Variants in ARFGEF1 observed in about 807,000 individuals in gnomAD.
ARFGEF1 encodes ARF guanine nucleotide exchange factor 1, also known as brefeldin A-inhibited guanine nucleotide-exchange protein 1.
A neutral mutation model predicts 231.0 loss-of-function variants in ARFGEF1; 42 were observed. The ratio of observed to expected loss-of-function variants is 0.18; its 90% CI spans 0.14 to 0.24. The LOEUF (loss-of-function observed/expected upper bound fraction) is 0.24, where lower values mean the gene tolerates loss of function less well. ARFGEF1 is among the 10% of genes least tolerant of loss of function. The pLI is 1.00. For synonymous variants in ARFGEF1, 710 were observed against 732.3 expected, an observed-to-expected ratio of 0.97 and a Z score of 0.49; for missense variants, 1,345 against 2,192.0, an observed-to-expected ratio of 0.61 and a Z score of 7.72.
chr8:67,257,695 A>C, intron 17 of ARFGEF1, 37 bp downstream of exon 17: 1 of 1,431,266 alleles, frequency 7.0e-7, no homozygotes, highest in Non-Finnish European at 9.7e-7. Flanking sequence ...CTTATTTTGT[A>C]CCGCTTATTG....
At position 67,198,465 on chromosome 8, in the gene ARFGEF1, A is replaced by AT; in HGVS notation, c.*468dup. 1.5e-5 allele frequency: 15 copies of AT among 987,590 alleles called. No individual in the cohort carries two copies. The highest frequency in any genetic ancestry group is 1.8e-5 in the Non-Finnish European group (15 of 831,246). 61.2% of individuals were successfully genotyped at this position (987,590 alleles called of 1,614,324 possible). ...GCCTGAGTGTGCAAAAATCTTCAGA[A>AT]TAAGAATACCATAGTTGCTAAATAT... On this transcript the variant is annotated 3_prime_UTR_variant, in exon 39 of 39. Transcript: ENST00000262215.
chr8:67,182,449 G>T (rs1227642445), intron 5 of ARFGEF1, among the ~76,000 whole-genome samples: 1 of 152,130 alleles, frequency 6.6e-6, no homozygotes, highest in Non-Finnish European at 1.5e-5. Flanking sequence ...CTATGAATAG[G>T]TGTACAATTA....
chr8:67,198,620 G>T lies in ARFGEF1; in HGVS notation c.*314C>A. The T allele has an allele frequency of 1.9e-6, 2 of 1,080,136 alleles. No individual in the cohort carries two copies. The highest frequency in any genetic ancestry group is 6.2e-5 in the South Asian group (2 of 32,116). 66.9% of individuals were successfully genotyped at this position (1,080,136 alleles called of 1,614,324 possible). A position where few individuals can be genotyped will look rare whatever the true frequency, so the allele number is the denominator to read the frequency against. ...CAATCTTTACATCTATAGTTCTTTG[G>T]GTAAGTTTCACTTCCACACCTGCCA... is the stretch of plus-strand genomic sequence containing the variant. On this transcript the variant is annotated 3_prime_UTR_variant, in exon 39 of 39. Transcript: ENST00000262215.
intron 19 of ARFGEF1, among the ~76,000 whole-genome samples, chr8:67,244,733 AAT>A (rs1274317717): frequency 6.7e-6 from 1 of 150,370 alleles, no homozygotes; most frequent in African/African-American, 2.5e-5. Flanking sequence ...AAATCTGGAA[AAT>A]AGTTTTAAAA....
chr8:67,230,511 A>T (rs544086887), intron 23 of ARFGEF1, among the ~76,000 whole-genome samples: 5 of 152,100 alleles, frequency 3.3e-5, no homozygotes, highest in Non-Finnish European at 7.4e-5. Context: ...CAATGAATAT[A>T]TCAGAGGTAA....
chr8:67,269,921 A>C (rs539941572), intron 10 of ARFGEF1, among the ~76,000 whole-genome samples: 1 of 152,286 alleles, frequency 6.6e-6, no homozygotes, highest in East Asian at 1.9e-4. Flanking sequence ...AATTTTTGAT[A>C]TCTAGATCTA....
At chr8:67,263,474 T>C (rs1279828901) in intron 14 of ARFGEF1, among the ~76,000 whole-genome samples, 4 of 152,192 alleles carry the variant, frequency 2.6e-5, no homozygotes, top group Non-Finnish European at 5.9e-5. Context: ...AAAAGTCCTT[T>C]ACATGGAGAA....
rs34333039 is a variant in ARFGEF1, at chr8:67,244,242, C to CAAAAAAAA, written c.2851-3960_2851-3953dup. On this transcript the variant is annotated intron_variant, in intron 19 of 38. Transcript: ENST00000262215. ...TGGGCGACAAAGCGAGACTCCACCT[C>CAAAAAAAA]AAAAAAAAAAAAAAAAAAAAAAAAA... Among the ~76,000 whole-genome samples the CAAAAAAAA allele has an allele frequency of 1.7e-3, 34 of 20,096 alleles. 6 individuals are homozygous for CAAAAAAAA. The highest frequency in any genetic ancestry group is 4.1e-3 in the African/African-American group (28 of 6,890). 13.2% of individuals were successfully genotyped at this position (20,096 alleles called of 152,430 possible). A position where few individuals can be genotyped will look rare whatever the true frequency, so the allele number is the denominator to read the frequency against.
chr8:67,324,859 C>T (rs114395119), intron 1 of ARFGEF1, among the ~76,000 whole-genome samples: 2,456 of 149,650 alleles, frequency 0.016, 69 homozygotes, highest in African/African-American at 0.058. Flanking sequence ...CACAGTAACA[C>T]AATTTAAAAT....
intron 1 of ARFGEF1, among the ~76,000 whole-genome samples, chr8:67,329,139 T>G (rs1040025223): frequency 6.6e-6 from 1 of 151,646 alleles, no homozygotes; most frequent in Non-Finnish European, 1.5e-5. Context: ...GGCAGGAGAA[T>G]CACTTGAACT....
downstream of ARFGEF1, chr8:67,195,700 T>C (rs1466087656): frequency 8.8e-6 from 7 of 796,536 alleles, no homozygotes; most frequent in African/African-American, 1.7e-5. Flanking sequence ...TTACTTTTTT[T>C]CCATCATCTG....
rs1357085508 is a variant in ARFGEF1 at position 67,253,579 on chromosome 8, C to T, written c.2570G>A (p.Arg857Lys). 6.4e-7 allele frequency: 1 copy of T among 1,573,164 alleles called. No individual in the cohort carries two copies. The highest frequency in any genetic ancestry group is 8.7e-7 in the Non-Finnish European group (1 of 1,148,650). The change falls in exon 18 of 39, where the codon AGA becomes AAA. Residue 857 changes from arginine (R) to lysine (K), a missense_variant. Around this residue, in one of 14 missense-constraint regions of ARFGEF1, gnomAD observed 58 missense variants for 133.6 expected, o/e 0.43. Transcript: ENST00000262215. ...MTKEQYIKMN[R>K]GINDSKDLPE... ...AAGGTCTTTACTGTCATTGATACCT[C>T]TATTCATCTTAATGTATTGTTCCTT...
At chr8:67,292,229 G>A in intron 5 of ARFGEF1, 106 bp from the exon 6 acceptor site, 3 of 918,344 alleles carry the variant, frequency 3.3e-6, no homozygotes, top group South Asian at 1.7e-5. Flanking sequence ...TTCTCTCTAC[G>A]CTTGGAAATT....
chr8:67,192,085 T>G (rs948636686), intron 5 of ARFGEF1, among the ~76,000 whole-genome samples: 14 of 151,276 alleles, frequency 9.3e-5, no homozygotes, highest in African/African-American at 3.4e-4. Flanking sequence ...TTTGTTTTTT[T>G]TTTTTGATAC....
intron 2 of ARFGEF1, among the ~76,000 whole-genome samples, chr8:67,302,119 A>G (rs981695772): frequency 6.6e-6 from 1 of 152,096 alleles, no homozygotes; most frequent in African/African-American, 2.4e-5. Context: ...GGATCACTTG[A>G]GCCTGGGAAG....
chr8:67,241,192 C>T (rs1453047501), intron 19 of ARFGEF1, among the ~76,000 whole-genome samples: 1 of 152,094 alleles, frequency 6.6e-6, no homozygotes, highest in Non-Finnish European at 1.5e-5. Context: ...GAGAAGTAAA[C>T]ATTTATAATC....
In ARFGEF1 at chr8:67,201,383, T is replaced by C. The variant is rs896727743; in HGVS notation, c.5267+84A>G. The C allele has an allele frequency of 1.1e-5, 16 of 1,492,008 alleles. No homozygotes were observed. The Admixed American group carries it at 3.6e-4, about 34-fold the overall frequency. The allele number at this position is 1,492,008 out of a possible 1,614,324, so 92.4% of individuals were successfully genotyped here. A position where few individuals can be genotyped will look rare whatever the true frequency, so the allele number is the denominator to read the frequency against. Reference sequence around the variant, plus strand: ...CATCCAGGCCCCAAAGCCTCAGCTGTCAGCATGGTCCCGCCGGTGCCTCTT... The same window carrying C: ...CATCCAGGCCCCAAAGCCTCAGCTGCCAGCATGGTCCCGCCGGTGCCTCTT... On this transcript the variant is annotated intron_variant, in intron 37 of 38. Coordinates refer to ENST00000262215, the MANE Select transcript of ARFGEF1 (RefSeq NM_006421.5).
chr8:67,206,236 C>T (rs904290019), intron 34 of ARFGEF1, among the ~76,000 whole-genome samples: 1 of 151,828 alleles, frequency 6.6e-6, no homozygotes, highest in Non-Finnish European at 1.5e-5. Context: ...ATGGTGAAAC[C>T]CCATCTCTAC....
intron 3 of ARFGEF1, 112 bp from the exon 4 acceptor site, chr8:67,299,467 C>T (rs1004521587): frequency 3.3e-5 from 33 of 990,966 alleles, no homozygotes; most frequent in Non-Finnish European, 4.4e-5. Context: ...AAAATTTTTA[C>T]ACAAAAACAT....
Sources: gnomAD v4.1 joint callset for allele counts (sites outside exome capture counted in the v4.1 genomes callset) on GRCh38, gnomAD v4.1.1 for gene constraint, gnomAD v4.1.1 regional missense constraint, MANE v1.5 for transcripts, NCBI Gene and HGNC (gene_info 2026-07-23, HGNC 2026-07-21) for gene names.